Variants in CUL7 observed in about 807,000 individuals in gnomAD.
CUL7 encodes cullin-7.
A neutral mutation model predicts 177.7 loss-of-function variants in CUL7; 96 were observed. That is an observed-to-expected ratio of 0.54 (90% confidence interval 0.46 to 0.64). The LOEUF (loss-of-function observed/expected upper bound fraction) is 0.64. Ranked by LOEUF, CUL7 falls within the 30% of genes least tolerant of loss-of-function variation. The pLI is 0.00. For synonymous variants in CUL7, 824 were observed against 890.2 expected, an observed-to-expected ratio of 0.93 and a Z score of 1.32; for missense variants, 1,893 against 2,187.9, an observed-to-expected ratio of 0.87 and a Z score of 2.69.
Position 43,047,019 on chromosome 6 carries a change from T to C in CUL7, c.2258A>G (p.Asp753Gly). The change falls in exon 10 of 26, where the codon GAC becomes GGC. Residue 753 changes from aspartate (D) to glycine (G), a missense_variant. Coordinates refer to ENST00000265348, the MANE Select transcript of CUL7 (RefSeq NM_014780.5). Reference protein sequence around the residue: ...AVVLNQLGARDAISKALEKHL... With the variant: ...AVVLNQLGARGAISKALEKHL... ...CTTTTCCAGGGCCTTGGAGATAGCG[T>C]CTCTTGCTCCCAGCTGATTCAGCAC... The C allele has an allele frequency of 6.2e-7, 1 of 1,612,888 alleles. No homozygotes were observed. Among genetic ancestry groups the C allele is most frequent in the Non-Finnish European group, 8.5e-7 (1 of 1,178,932 alleles).
At chr6:43,047,481 G>A (rs1764017406) in intron 9 of CUL7, among the ~76,000 whole-genome samples, 1 of 152,138 alleles carries the variant, frequency 6.6e-6, no homozygotes, top group African/African-American at 2.4e-5. Context: ...GGCTGGGAAG[G>A]GGCTGACAGG....
In CUL7 at chr6:43,048,578, A is replaced by T. The variant is rs374960922; in HGVS notation, c.1826-9T>A. 3 of 1,601,626 alleles carry T rather than the reference A, an allele frequency of 1.9e-6. No homozygotes were observed. The African/African-American group carries it at 4.0e-5, about 21-fold the overall frequency. ...AGATGGGGGTTCTTTTGCTACAGGA[A>T]GGGGACAGTCACAGGAGTTGGCCAT... On this transcript the variant is annotated splice_polypyrimidine_tract_variant and intron_variant, in intron 7 of 25. Transcript: ENST00000265348.
intron 10 of CUL7, 37 bp from the exon 11 acceptor site, chr6:43,046,638 C>T (rs770075707): frequency 6.2e-7 from 1 of 1,613,166 alleles, no homozygotes; most frequent in South Asian, 1.1e-5. Flanking sequence ...GGCACAGGGG[C>T]AGAAGGAACA....
chr6:43,049,325 T>C (rs962436667), intron 7 of CUL7, 82 bp downstream of exon 7: 92 of 1,583,014 alleles, frequency 5.8e-5, no homozygotes, highest in Non-Finnish European at 7.5e-5. Flanking sequence ...CCAGAAAGGA[T>C]TGCATAAAAA....
Position 43,052,372 on chromosome 6 carries a change from G to A in CUL7, c.417C>T (p.His139=). Residue 139 remains histidine (H), a synonymous_variant, in exon 2 of 26, where the codon CAC becomes CAT. Coordinates refer to ENST00000265348, the MANE Select transcript of CUL7 (RefSeq NM_014780.5). This position sits in a 1 kb window ranked among gnomAD's most constrained non-coding sequence, Gnocchi z 4.5. ...VGTIPPAPLL[H]TVHVLSAYAS... is the part of the protein sequence containing the mutation. ...CATAGGCGCTGAGCACGTGGACAGT[G>A]TGAAGTAGAGGAGCAGGAGGGATAG... 2.5e-6 allele frequency: 4 copies of A among 1,614,282 alleles called. No homozygotes were observed. The highest frequency in any genetic ancestry group is 1.6e-4 in the Middle Eastern group (1 of 6,062).
chr6:43,050,891 C>A lies in CUL7; in HGVS notation c.1233+77G>T, dbSNP rs185236150. On this transcript the variant is annotated intron_variant, in intron 4 of 25. Transcript: ENST00000265348. The surrounding 1 kb of genome is among the most constrained non-coding windows in gnomAD (Gnocchi z 4.1). ...TTCTCTTTGGGTGGCCTGCTGGAGC[C>A]CCCCCATATAGAAGTCCCAGCTCTG... 1 of 1,560,134 alleles carries A rather than the reference C, an allele frequency of 6.4e-7. No homozygotes were observed. Among genetic ancestry groups the A allele is most frequent in the African/African-American group, 1.4e-5 (1 of 73,810 alleles).
At chr6:43,039,757 T>TTG (rs1763252908) in intron 22 of CUL7, among the ~76,000 whole-genome samples, 1 of 126,884 alleles carries the variant, frequency 7.9e-6, no homozygotes, top group Non-Finnish European at 1.6e-5. Context: ...TTTTTTTTTT[T>TTG]TTGAGATGGA....
At position 43,045,617 on chromosome 6, in the gene CUL7, G is replaced by A. The variant is rs747735534; in HGVS notation, c.2832C>T (p.Ile944=). Residue 944 remains isoleucine (I), a synonymous_variant, in exon 14 of 26, where the codon ATC becomes ATT. Transcript: ENST00000265348. This position sits in a 1 kb window ranked among gnomAD's most constrained non-coding sequence, Gnocchi z 4.8. Reference sequence around the variant, plus strand: ...GGCAGCGCTTTATGCGGATCTGGATGATGGGCCAGAAGCGGGTCAGGTTCT... The same window carrying A: ...GGCAGCGCTTTATGCGGATCTGGATAATGGGCCAGAAGCGGGTCAGGTTCT... The part of the protein sequence containing the change: ...LLENLTRFWP[I]IQIRIKRCQQ... 1.5e-5 allele frequency: 24 copies of A among 1,614,112 alleles called. No individual in the cohort carries two copies. The highest frequency in any genetic ancestry group is 1.9e-5 in the Non-Finnish European group (23 of 1,180,058).
rs1314222040 is a variant in CUL7, at chr6:43,053,481, G to A, written c.-9+141C>T. ...TGGAGAAGCCAGGGGCGCGCGGTAA[G>A]GTGGGGGAGAGGGGATTAGGCCCCA... On this transcript the variant is annotated intron_variant, in intron 1 of 25. Transcript: ENST00000265348. The surrounding 1 kb of genome is among the most constrained non-coding windows in gnomAD (Gnocchi z 4.1). 6 of 537,772 alleles carry A rather than the reference G, an allele frequency of 1.1e-5. No individual in the cohort carries two copies. Among genetic ancestry groups the A allele is most frequent in the Admixed American group, 7.7e-5 (2 of 26,108 alleles). 33.3% of individuals were successfully genotyped at this position (537,772 alleles called of 1,614,324 possible).
In CUL7 at chr6:43,040,383, TC is replaced by T; in HGVS notation, c.4066del (p.Glu1356LysfsTer53). 6.2e-7 allele frequency: 1 copy of T among 1,613,286 alleles called. No individual in the cohort carries two copies. The highest frequency in any genetic ancestry group is 2.2e-5 in the East Asian group (1 of 44,874). On this transcript the variant is annotated frameshift_variant, in exon 22 of 26. Transcript: ENST00000265348. LOFTEE classifies it high-confidence loss of function. The surrounding 1 kb of genome is among the most constrained non-coding windows in gnomAD (Gnocchi z 4.2). Reference protein sequence around the residue: ...ASGKEHKSEKEEEAGAAAVVD... With the variant: ...ASGKEHKSEKXEEAGAAAVVD... ...CACTGCTGCTGCCCCAGCTTCCTCT[TC>T]CTTCTCGCTCTTGTGCTCCTTGCCA... is the stretch of plus-strand genomic sequence containing the variant.
Position 43,051,114 on chromosome 6 carries a change from A to T in CUL7, c.1087T>A (p.Phe363Ile). ...AAAGCATAGGTATTGCCACTTGCGA[A>T]CTCAGAACGAGGGCGAAAACGTCTT... ...RSRRFRPRSE[F>I]ASGNTYALYV... is the part of the protein sequence containing the mutation. Residue 363 changes from phenylalanine to isoleucine, a missense_variant, in exon 4 of 26, where the codon TTC becomes ATC. By Grantham distance (21) the Phe-to-Ile change is conservative (BLOSUM62 0). Transcript: ENST00000265348. This position sits in a 1 kb window ranked among gnomAD's most constrained non-coding sequence, Gnocchi z 5.0. 1 of 1,614,194 alleles carries T rather than the reference A, an allele frequency of 6.2e-7. No individual in the cohort carries two copies.
chr6:43,044,169 A>G (rs549832008), intron 16 of CUL7, among the ~76,000 whole-genome samples: 1 of 152,210 alleles, frequency 6.6e-6, no homozygotes, highest in African/African-American at 2.4e-5. Flanking sequence ...CTAAAAATAC[A>G]AAATTAGCTG....
Position 43,045,380 on chromosome 6 carries a change from C to T in CUL7, c.2885G>A (p.Arg962Gln), listed in dbSNP as rs761386869. 4.8e-5 allele frequency: 77 copies of T among 1,614,094 alleles called. No individual in the cohort carries two copies. The highest frequency in any genetic ancestry group is 6.1e-5 in the Non-Finnish European group (72 of 1,180,048). ...CTTGGGGCCTAGGATCTCTAACCCC[C>T]GAATGCGCGTATCAATGCCACCCTG... ...CQQGGIDTRI[R>Q]GLEILGPKPT... Residue 962 changes from arginine (R) to glutamine (Q), a missense_variant, in exon 15 of 26, where the codon CGG becomes CAG. By Grantham distance (43) the Arg-to-Gln change is conservative (BLOSUM62 1). Coordinates refer to ENST00000265348, the MANE Select transcript of CUL7 (RefSeq NM_014780.5). This position sits in a 1 kb window ranked among gnomAD's most constrained non-coding sequence, Gnocchi z 4.8.
Position 43,051,269 on chromosome 6 carries a change from A to G in CUL7, c.932T>C (p.Met311Thr), listed in dbSNP as rs1363423736. ...GTLISELVQAMRWDQASDRPR... is the reference protein window; with the variant it reads ...GTLISELVQATRWDQASDRPR... ...TCTGTCTGAGGCCTGGTCCCAGCGCATGGCTTGCACCAGCTCCGAGATCAG... is the reference window on the plus strand; with the variant it reads ...TCTGTCTGAGGCCTGGTCCCAGCGCGTGGCTTGCACCAGCTCCGAGATCAG... Residue 311 changes from methionine to threonine, a missense_variant, in exon 4 of 26, where the codon ATG (methionine) becomes ACG (threonine). Physicochemically the swap from Met to Thr is moderately conservative, Grantham distance 81. This residue lies in a region of CUL7 where 653 missense variants were observed against 725.2 expected (regional missense o/e 0.90). Coordinates refer to ENST00000265348, the MANE Select transcript of CUL7 (RefSeq NM_014780.5). This position sits in a 1 kb window ranked among gnomAD's most constrained non-coding sequence, Gnocchi z 5.0. The G allele has an allele frequency of 2.5e-6, 4 of 1,612,448 alleles. No individual in the cohort carries two copies. Among genetic ancestry groups the G allele is most frequent in the Non-Finnish European group, 2.5e-6 (3 of 1,178,836 alleles).
rs149530175 is a variant in CUL7, at chr6:43,038,851, G to A, written c.4431C>T (p.Asn1477=). 8.1e-5 allele frequency: 131 copies of A among 1,614,210 alleles called. No homozygotes were observed. In the Middle Eastern group the frequency reaches 2.5e-3, roughly 30 times the overall value. The change falls in exon 23 of 26, where the codon AAC becomes AAT. Residue 1477 remains asparagine (N), a synonymous_variant. Coordinates refer to ENST00000265348, the MANE Select transcript of CUL7 (RefSeq NM_014780.5). ...TVQMWLLLYL[N]DLKAVSVESL... ...AGCGGGGCTGGGCCACCTTCAGGTC[G>A]TTGAGATACAGCAGTAGCCACATCT...
In CUL7 at chr6:43,050,266, C is replaced by G. The variant is rs1008360114; in HGVS notation, c.1366G>C (p.Gly456Arg). The G allele has an allele frequency of 1.2e-6, 2 of 1,614,104 alleles. No homozygotes were observed. Among genetic ancestry groups the G allele is most frequent in the African/African-American group, 2.7e-5 (2 of 74,946 alleles). Residue 456 changes from glycine (G) to arginine (R), a missense_variant, in exon 5 of 26, where the codon GGT becomes CGT. This residue lies in a region of CUL7 where 653 missense variants were observed against 725.2 expected (regional missense o/e 0.90). Transcript: ENST00000265348. The surrounding 1 kb of genome is among the most constrained non-coding windows in gnomAD (Gnocchi z 4.1). ...YQGAVASRVL[G>R]RALPAWRWRP... ...GCTTCCTCCCTGAGCTCACCTCTAC[C>G]CAGGACTCTACTGGCCACTGCCCCT...
At position 43,050,650 on chromosome 6, in the gene CUL7, C is replaced by G. The variant is rs1435301083; in HGVS notation, c.1234-252G>C. Among the ~76,000 whole-genome samples the G allele has an allele frequency of 3.4e-5, 5 of 148,916 alleles. No homozygotes were observed. Among genetic ancestry groups the G allele is most frequent in the Non-Finnish European group, 7.4e-5 (5 of 67,376 alleles). On this transcript the variant is annotated intron_variant, in intron 4 of 25. Transcript: ENST00000265348. This position sits in a 1 kb window ranked among gnomAD's most constrained non-coding sequence, Gnocchi z 4.1. ...GGGATGGGCCTGTCTCTCCTCTCACCCTGTCTTTCATGGCTTATGCCCCCA... is the reference window on the plus strand; with the variant it reads ...GGGATGGGCCTGTCTCTCCTCTCACGCTGTCTTTCATGGCTTATGCCCCCA...
At chr6:43,039,735 CT>C (rs763879172) in intron 22 of CUL7, among the ~76,000 whole-genome samples, 1,866 of 94,916 alleles carry the variant, frequency 0.02, 5 homozygotes, top group South Asian at 0.023. Flanking sequence ...AAGACCAACT[CT>C]TTTTTTTTTT....
intron 12 of CUL7, 61 bp downstream of exon 12, chr6:43,046,175 A>C: frequency 6.2e-7 from 1 of 1,613,608 alleles, no homozygotes; most frequent in Non-Finnish European, 8.5e-7. Context: ...CCCCAAAACA[A>C]ACACAGGGGC....
Sources: gnomAD v4.1 joint callset for allele counts (sites outside exome capture counted in the v4.1 genomes callset) on GRCh38, gnomAD v4.1.1 for gene constraint, gnomAD v4.1.1 regional missense constraint, Gnocchi (gnomAD v3.1) non-coding constraint, MANE v1.5 for transcripts, NCBI Gene and HGNC (gene_info 2026-07-23, HGNC 2026-07-21) for gene names.